UTY: variants seen among roughly 807,000 people sequenced by gnomAD.
UTY encodes ubiquitously transcribed tetratricopeptide repeat containing, Y-linked, also known as histone demethylase UTY.
UTY carries 12 observed loss-of-function variants against 32.5 expected under a neutral mutation model. The ratio of observed to expected loss-of-function variants is 0.37; its 90% CI spans 0.24 to 0.60. The LOEUF is 0.60. UTY is among the 20% of genes least tolerant of loss of function. The probability of loss-of-function intolerance (pLI) is 0.69; values close to 1 mark genes in which losing one functional copy is unlikely to be tolerated. For synonymous variants in UTY, 131 were observed against 103.4 expected, an observed-to-expected ratio of 1.27 and a Z score of -1.62; for missense variants, 303 against 299.2, an observed-to-expected ratio of 1.01 and a Z score of -0.09.
chrY:13,309,380 G>A (rs2058882661), intron 21 of UTY, among the ~76,000 whole-genome samples: 1 of 31,831 alleles, frequency 3.1e-5, no homozygotes, highest in African/African-American at 1.2e-4. Flanking sequence ...CACGAGGTCA[G>A]GAGATCAACA....
Position 13,250,864 on chromosome Y carries a change from C to T in UTY, c.4308+153G>A, listed in dbSNP as rs376039285. 8.0e-3 allele frequency: 1,084 copies of T among 136,277 alleles called. No individual in the cohort carries two copies. The South Asian group carries it at 0.11, about 14-fold the overall frequency. 34.0% of individuals were successfully genotyped at this position (136,277 alleles called of 400,897 possible). A position where few individuals can be genotyped will look rare whatever the true frequency, so the allele number is the denominator to read the frequency against. On this transcript the variant is annotated intron_variant, in intron 29 of 29. Transcript: ENST00000545955. ...CATATAGAAAAACTAACGTGAAATA[C>T]GAGGATGGCTACTAATATTTTTCCT...
intron 18 of UTY, 38 bp downstream of exon 18, chrY:13,335,525 G>A: frequency 2.6e-6 from 1 of 387,992 alleles, no homozygotes; most frequent in Non-Finnish European, 3.6e-6. Context: ...GCCAGTAGTT[G>A]ACCATTTTCA....
At chrY:13,264,402 ACG>A (rs2055564920) in intron 27 of UTY, among the ~76,000 whole-genome samples, 2 of 33,033 alleles carry the variant, frequency 6.1e-5, no homozygotes, top group African/African-American at 1.2e-4. Context: ...CAGTATAAAA[ACG>A]TTTCTATTTC....
At chrY:13,281,955 G>A (rs968500599) in intron 27 of UTY, among the ~76,000 whole-genome samples, 21 of 32,961 alleles carry the variant, frequency 6.4e-4, no homozygotes, top group Non-Finnish European at 8.9e-4. Flanking sequence ...TAATGGCTGC[G>A]GAATACACAT....
intron 24 of UTY, among the ~76,000 whole-genome samples, chrY:13,304,792 G>A: frequency 3.2e-5 from 1 of 30,958 alleles, no homozygotes; most frequent in Non-Finnish European, 7.8e-5. Flanking sequence ...AAATGCATCC[G>A]TTATTTATTA....
chrY:13,464,822 G>C (rs2077746301), intron 3 of UTY, among the ~76,000 whole-genome samples: 1 of 33,448 alleles, frequency 3.0e-5, no homozygotes, highest in Non-Finnish European at 7.4e-5. Flanking sequence ...GCTCACACCT[G>C]TAATCCCAGC....
At chrY:13,370,406 G>A (rs2064779410) in intron 8 of UTY, among the ~76,000 whole-genome samples, 1 of 33,947 alleles carries the variant, frequency 2.9e-5, no homozygotes, top group Non-Finnish European at 7.3e-5. Flanking sequence ...GAAAATAAAT[G>A]TAACCAAAAC....
intron 3 of UTY, among the ~76,000 whole-genome samples, chrY:13,451,142 A>C (rs895055700): frequency 1.5e-4 from 5 of 33,863 alleles, no homozygotes; most frequent in Admixed American, 1.4e-3. Flanking sequence ...CATGGAATGC[A>C]GTAATTGCTC....
At chrY:13,420,636 C>T in intron 4 of UTY, among the ~76,000 whole-genome samples, 2 of 32,760 alleles carry the variant, frequency 6.1e-5, no homozygotes, top group African/African-American at 2.4e-4. Context: ...ATGTAACACA[C>T]AAAACTATAA....
At chrY:13,284,431 C>G (rs2057228143) in intron 27 of UTY, among the ~76,000 whole-genome samples, 1 of 33,873 alleles carries the variant, frequency 3.0e-5, no homozygotes, top group Admixed American at 2.6e-4. Flanking sequence ...TCTCTGTGAA[C>G]TACACATTAA....
intron 27 of UTY, among the ~76,000 whole-genome samples, chrY:13,271,429 G>A (rs2056296026): frequency 3.9e-4 from 13 of 33,564 alleles, no homozygotes; most frequent in Admixed American, 3.5e-3. Context: ...AAATAAATAT[G>A]TTAGGAAATG....
intron 27 of UTY, among the ~76,000 whole-genome samples, chrY:13,263,175 C>G (rs746428934): frequency 9.2e-5 from 3 of 32,693 alleles, no homozygotes; most frequent in Non-Finnish European, 2.2e-4. Context: ...GAAGGAGACT[C>G]TCTGGAATGA....
intron 8 of UTY, among the ~76,000 whole-genome samples, chrY:13,381,218 G>A (rs2066093854): frequency 2.9e-5 from 1 of 34,272 alleles, no homozygotes; most frequent in Admixed American, 2.6e-4. Flanking sequence ...GCTTTATAGT[G>A]GACTTCTATT....
intron 2 of UTY, 65 bp from the exon 3 acceptor site, chrY:13,470,294 G>T: frequency 4.6e-6 from 1 of 219,400 alleles, no homozygotes; most frequent in Non-Finnish European, 6.9e-6. Flanking sequence ...ACATACATCT[G>T]CACGAGATTC....
intron 4 of UTY, among the ~76,000 whole-genome samples, chrY:13,426,545 C>A (rs2073288302): frequency 3.0e-5 from 1 of 33,001 alleles, no homozygotes; most frequent in Non-Finnish European, 7.5e-5. Context: ...ATCGAATTAT[C>A]AAAACTCAAA....
intron 27 of UTY, among the ~76,000 whole-genome samples, chrY:13,271,949 C>A: frequency 3.0e-5 from 1 of 33,220 alleles, no homozygotes; most frequent in African/African-American, 1.2e-4. Flanking sequence ...CAGAAGGGGT[C>A]CATAAATCAA....
intron 18 of UTY, among the ~76,000 whole-genome samples, chrY:13,328,246 AAAC>A (rs2060403540): frequency 1.2e-4 from 4 of 33,417 alleles, no homozygotes; most frequent in South Asian, 6.5e-4. Flanking sequence ...AACAAAACAA[AAAC>A]AACAACAACA....
At chrY:13,343,730 C>A (rs2061668040) in intron 17 of UTY, among the ~76,000 whole-genome samples, 1 of 32,784 alleles carries the variant, frequency 3.1e-5, no homozygotes, top group African/African-American at 1.2e-4. Flanking sequence ...GTGGCTGAAG[C>A]CTGCCCTCTG....
chrY:13,318,290 G>A (rs2148896266), intron 21 of UTY, among the ~76,000 whole-genome samples: 1 of 31,241 alleles, frequency 3.2e-5, no homozygotes, highest in African/African-American at 1.2e-4. Flanking sequence ...ATTTTGTTTT[G>A]GTAAGAAAGC....
Sources: gnomAD v4.1 joint callset for allele counts (sites outside exome capture counted in the v4.1 genomes callset) on GRCh38, gnomAD v4.1.1 for gene constraint, MANE v1.5 for transcripts, NCBI Gene and HGNC (gene_info 2026-07-23, HGNC 2026-07-21) for gene names.